Variants in MBD5 observed in about 807,000 individuals in gnomAD.
The protein encoded by MBD5 is methyl-CpG-binding domain protein 5.
A neutral mutation model predicts 117.3 loss-of-function variants in MBD5; 13 were observed. The ratio of observed to expected loss-of-function variants is 0.11; its 90% confidence interval spans 0.07 to 0.18. The LOEUF (loss-of-function observed/expected upper bound fraction) is 0.18. Ranked by LOEUF, MBD5 falls within the 10% of genes least tolerant of loss-of-function variation. The pLI, the probability that MBD5 is intolerant of heterozygous loss-of-function variation, is 1.00. For synonymous variants in MBD5, 727 were observed against 766.4 expected (o/e 0.95, Z 0.85); for missense variants, 1,879 against 2,093.8 (o/e 0.90, Z 2.00).
At chr2:148,138,169 G>C (rs1392014768) in intron 1 of MBD5, among the ~76,000 whole-genome samples, 5 of 152,180 alleles carry the variant, frequency 3.3e-5, no homozygotes, top group African/African-American at 1.2e-4. Context: ...GCCTACTACT[G>C]TGTGAGAGAT....
intron 5 of MBD5, among the ~76,000 whole-genome samples, chr2:148,462,051 G>T (rs1021282844): frequency 3.9e-5 from 6 of 152,130 alleles, no homozygotes; most frequent in African/African-American, 1.4e-4. Flanking sequence ...GGGTAAGGGG[G>T]AGATAAAAGA....
At chr2:148,501,235 G>T (rs1202433791) in intron 11 of MBD5, among the ~76,000 whole-genome samples, 3 of 152,192 alleles carry the variant, frequency 2.0e-5, no homozygotes, top group African/African-American at 4.8e-5. Context: ...TCATAGAGAA[G>T]TTATTTCTAA....
At chr2:148,380,750 C>T (rs758146045) in intron 4 of MBD5, among the ~76,000 whole-genome samples, 15 of 152,072 alleles carry the variant, frequency 9.9e-5, no homozygotes, top group Non-Finnish European at 1.2e-4. Context: ...CTCACACAGC[C>T]GGGTACTCCT....
chr2:148,428,765 A>G (rs556146906), intron 4 of MBD5, among the ~76,000 whole-genome samples: 75 of 152,346 alleles, frequency 4.9e-4, no homozygotes, highest in Non-Finnish European at 2.1e-4. Context: ...TATTTAATAA[A>G]TGGTGTTGGG....
intron 4 of MBD5, among the ~76,000 whole-genome samples, chr2:148,389,800 T>C (rs747428279): frequency 2.0e-5 from 3 of 152,174 alleles, no homozygotes; most frequent in African/African-American, 4.8e-5. Flanking sequence ...TTCTTGTTGA[T>C]TTGTTTAACT....
intron 3 of MBD5, among the ~76,000 whole-genome samples, chr2:148,258,818 T>C (rs748723683): frequency 6.6e-6 from 1 of 152,166 alleles, no homozygotes; most frequent in African/African-American, 2.4e-5. Context: ...TTTTCTCCCA[T>C]GGGGGCCCCC....
chr2:148,075,053 A>G (rs1231075148), intron 1 of MBD5, among the ~76,000 whole-genome samples: 2 of 152,184 alleles, frequency 1.3e-5, no homozygotes, highest in African/African-American at 4.8e-5. Context: ...ATTATGAAAT[A>G]TAGCAGCAGT....
chr2:148,421,106 T>C (rs1333508310), intron 4 of MBD5, among the ~76,000 whole-genome samples: 2 of 152,202 alleles, frequency 1.3e-5, no homozygotes, highest in Non-Finnish European at 2.9e-5. Flanking sequence ...AATTGCCGTT[T>C]AATACTGCCT....
At chr2:148,493,915 G>A (rs1311374602) in intron 11 of MBD5, among the ~76,000 whole-genome samples, 1 of 152,118 alleles carries the variant, frequency 6.6e-6, no homozygotes, top group African/African-American at 2.4e-5. Context: ...CCTAATCTTA[G>A]CTCTGCCAGT....
intron 4 of MBD5, among the ~76,000 whole-genome samples, chr2:148,345,245 T>C (rs1703061730): frequency 6.6e-6 from 1 of 150,796 alleles, no homozygotes; most frequent in African/African-American, 2.4e-5. Context: ...TACCCACACA[T>C]ACACATGCGC....
Position 148,090,753 on chromosome 2 carries a change from A to G in MBD5, c.-925+69069A>G, listed in dbSNP as rs143740521. On this transcript the variant is annotated intron_variant, in intron 1 of 13. Transcript: ENST00000642680. The stretch of plus-strand genomic sequence containing the variant: ...GCCAACATCATATGGAATGGGGAAA[A>G]GTTGAAAGCATTCTTCCTGACAACT... Among the ~76,000 whole-genome samples the G allele has an allele frequency of 1.6e-3, 250 of 152,286 alleles. 10 individuals carry two copies. In the East Asian group the frequency reaches 0.044, roughly 27 times the overall value.
At chr2:148,107,071 A>G (rs905875850) in intron 1 of MBD5, among the ~76,000 whole-genome samples, 2 of 152,034 alleles carry the variant, frequency 1.3e-5, no homozygotes, top group Admixed American at 6.6e-5. Flanking sequence ...TATTCATCCA[A>G]TAATATCCTG....
Position 148,469,263 on chromosome 2 carries a change from A to G in MBD5, c.1320A>G (p.Thr440=). 6.2e-7 allele frequency: 1 copy of G among 1,613,932 alleles called. No homozygotes were observed. Among genetic ancestry groups the G allele is most frequent in the African/African-American group, 1.3e-5 (1 of 75,002 alleles). ...CCTCCCTGTCCCCTTCTCCAGTGAC[A>G]TCCCCCGTGCACATGATGGGGACTG... The part of the protein sequence containing the change: ...ASTSLSPSPV[T]SPVHMMGTGI... The change falls in exon 8 of 14, where the codon ACA becomes ACG. Residue 440 remains threonine (T), a synonymous_variant. Transcript: ENST00000642680.
At chr2:148,086,944 T>G (rs1283395012) in intron 1 of MBD5, among the ~76,000 whole-genome samples, 2 of 152,124 alleles carry the variant, frequency 1.3e-5, no homozygotes, top group East Asian at 3.9e-4. Context: ...TAATGGTTTT[T>G]GCCACAATAA....
At chr2:148,140,705 T>C (rs1431826997) in intron 1 of MBD5, among the ~76,000 whole-genome samples, 1 of 152,166 alleles carries the variant, frequency 6.6e-6, no homozygotes, top group African/African-American at 2.4e-5. Context: ...TGCTAATATA[T>C]TGTGAAAATC....
chr2:148,047,009 A>C (rs1253072404), intron 1 of MBD5, among the ~76,000 whole-genome samples: 1 of 152,116 alleles, frequency 6.6e-6, no homozygotes, highest in Non-Finnish European at 1.5e-5. Flanking sequence ...TTCCTCTTCA[A>C]GATTATGTTG....
chr2:148,149,436 G>A (rs1390979796), intron 1 of MBD5, among the ~76,000 whole-genome samples: 1 of 144,014 alleles, frequency 6.9e-6, no homozygotes, highest in Non-Finnish European at 1.5e-5. Flanking sequence ...ATGATTTATA[G>A]TCCTTTGGGT....
intron 1 of MBD5, among the ~76,000 whole-genome samples, chr2:148,165,558 ATATATTT>A (rs1239578960): frequency 6.6e-6 from 1 of 151,966 alleles, no homozygotes; most frequent in African/African-American, 2.4e-5. Flanking sequence ...CAGGTTTTTT[ATATATTT>A]TATATTTGAT....
Position 148,468,445 on chromosome 2 carries a change from T to C in MBD5, c.502T>C (p.Phe168Leu), listed in dbSNP as rs1225184691. ...TGTAATGCCTGAATGTAAGAATCCT[T>C]TCAAGTTAATGATTGGATCATCAAA... ...NSVMPECKNP[F>L]KLMIGSSNAM... Residue 168 changes from phenylalanine to leucine, a missense_variant, in exon 8 of 14, where the codon TTC becomes CTC. Transcript: ENST00000642680. The C allele has an allele frequency of 1.1e-5, 18 of 1,613,746 alleles. 1 individual carries two copies. The Admixed American group carries it at 2.8e-4, about 25-fold the overall frequency.
Sources: gnomAD v4.1 joint callset for allele counts (sites outside exome capture counted in the v4.1 genomes callset) on GRCh38, gnomAD v4.1.1 for gene constraint, MANE v1.5 for transcripts, NCBI Gene and HGNC (gene_info 2026-07-23, HGNC 2026-07-21) for gene names.